Variants in MS4A6E observed in about 807,000 individuals in gnomAD.
MS4A6E encodes membrane spanning 4-domains A6E, also known as membrane-spanning 4-domains subfamily A member 6E.
In MS4A6E, 8 loss-of-function variants were observed where a neutral mutation model predicts 13.2. The observed-to-expected ratio is 0.60, with a 90% CI of 0.35 to 1.09. The LOEUF is 1.09. Among genes scored for constraint, MS4A6E ranks in the 50% least tolerant of loss-of-function variants. The pLI is 0.02. For missense variants in MS4A6E, 177 were observed against 171.1 expected (o/e 1.03, Z -0.19); for synonymous variants, 72 against 67.6 (o/e 1.06, Z -0.32).
At chr11:60,342,346 T>C (rs745486112), downstream of MS4A6E, among the ~76,000 whole-genome samples, 3 of 152,160 alleles carry the variant, frequency 2.0e-5, no homozygotes, top group Non-Finnish European at 4.4e-5. Context: ...CAGAGGTTCA[T>C]TGTCTCATGC....
At chr11:60,329,607 C>T (rs2085141292) in intron 1 of MS4A6E, among the ~76,000 whole-genome samples, 1 of 152,102 alleles carries the variant, frequency 6.6e-6, no homozygotes, top group Non-Finnish European at 1.5e-5. Flanking sequence ...ACACTCCCAC[C>T]AACAGTGTAA....
chr11:60,341,544 C>T (rs182029065), downstream of MS4A6E, among the ~76,000 whole-genome samples: 7 of 152,130 alleles, frequency 4.6e-5, no homozygotes, highest in East Asian at 1.9e-4. Context: ...ATAAAAAAGA[C>T]GAATTGTTTG....
At chr11:60,330,710 G>A (rs755423633) in intron 1 of MS4A6E, among the ~76,000 whole-genome samples, 8 of 152,118 alleles carry the variant, frequency 5.3e-5, no homozygotes, top group Non-Finnish European at 7.4e-5. Context: ...GTCCTGAATG[G>A]TATTGCCTAG....
Position 60,337,906 on chromosome 11 carries a change from C to A in MS4A6E, c.313C>A (p.Pro105Thr), listed in dbSNP as rs2085199409. The A allele has an allele frequency of 1.2e-6, 2 of 1,614,108 alleles. No homozygotes were observed. Among genetic ancestry groups the A allele is most frequent in the Non-Finnish European group, 1.7e-6 (2 of 1,180,054 alleles). ...TCTTCTTTCTTATGATTATCATTCA[C>A]CTTACACCATGGACTGCCATAGAGC... ...RLLLSYDYHS[P>T]YTMDCHRAKA... Residue 105 changes from proline (P) to threonine (T), a missense_variant, in exon 3 of 5, where the codon CCT (proline) becomes ACT (threonine). Coordinates refer to ENST00000684409, the MANE Select transcript of MS4A6E (RefSeq NM_139249.4).
chr11:60,327,618 G>A (rs762024458), intron 1 of MS4A6E, among the ~76,000 whole-genome samples: 19 of 152,164 alleles, frequency 1.2e-4, no homozygotes, highest in Non-Finnish European at 2.5e-4. Flanking sequence ...GAAGAGAGCT[G>A]TAGACAGAAC....
chr11:60,339,829 C>T (rs917291694), intron 3 of MS4A6E, 37 bp from the exon 4 acceptor site: 14 of 1,588,228 alleles, frequency 8.8e-6, no homozygotes, highest in Non-Finnish European at 1.0e-5. Context: ...CTTCGGCTGA[C>T]CCAAGCATCA....
downstream of MS4A6E, among the ~76,000 whole-genome samples, chr11:60,342,875 T>C (rs1035152970): frequency 2.0e-5 from 3 of 152,248 alleles, no homozygotes; most frequent in Non-Finnish European, 4.4e-5. Flanking sequence ...AAGAAAATCT[T>C]ACTGAGAACT....
rs141111443 is a variant in MS4A6E, at chr11:60,329,523, G to A, written c.-15+2115G>A. Among the ~76,000 whole-genome samples, 208 of 152,242 alleles carry A rather than the reference G, an allele frequency of 1.4e-3. 7 individuals carry two copies. In the East Asian group the frequency reaches 0.025, roughly 18 times the overall value. ...GTATATACCCAGTAATGGGATTGCT[G>A]GGTCAAATGGTATTTCAAGTTCTAG... is the stretch of plus-strand genomic sequence containing the variant. On this transcript the variant is annotated intron_variant, in intron 1 of 4. Coordinates refer to ENST00000684409, the MANE Select transcript of MS4A6E (RefSeq NM_139249.4).
downstream of MS4A6E, among the ~76,000 whole-genome samples, chr11:60,342,269 T>C (rs1242436192): frequency 6.6e-6 from 1 of 151,202 alleles, no homozygotes; most frequent in Non-Finnish European, 1.5e-5. Flanking sequence ...CCACTATTAA[T>C]CACATGGTGC....
downstream of MS4A6E, among the ~76,000 whole-genome samples, chr11:60,345,789 T>C (rs1186923681): frequency 1.3e-5 from 2 of 152,210 alleles, no homozygotes; most frequent in African/African-American, 2.4e-5. Flanking sequence ...TGGTGGCTTC[T>C]GGGACCAGTA....
intron 2 of MS4A6E, chr11:60,335,727 C>T (rs1452072183): frequency 5.3e-6 from 2 of 377,634 alleles, no homozygotes; most frequent in Admixed American, 6.6e-5. Context: ...ATATGGGTTT[C>T]TATGAGGCTC....
chr11:60,337,214 T>C (rs956732440), intron 2 of MS4A6E, among the ~76,000 whole-genome samples: 1 of 152,136 alleles, frequency 6.6e-6, no homozygotes, highest in East Asian at 1.9e-4. Flanking sequence ...AGAGAGGCAA[T>C]AGGCACGCAA....
At chr11:60,327,730 A>G (rs1046665255) in intron 1 of MS4A6E, among the ~76,000 whole-genome samples, 8 of 152,120 alleles carry the variant, frequency 5.3e-5, no homozygotes, top group Non-Finnish European at 1.2e-4. Context: ...ATGAGAAATA[A>G]TTAAAAACTG....
chr11:60,328,260 C>T (rs922321325), intron 1 of MS4A6E, among the ~76,000 whole-genome samples: 2 of 151,942 alleles, frequency 1.3e-5, no homozygotes, highest in Non-Finnish European at 2.9e-5. Flanking sequence ...AATGTATAAT[C>T]AAAAAGTAAG....
intron 1 of MS4A6E, among the ~76,000 whole-genome samples, chr11:60,329,400 G>A (rs1184690118): frequency 1.3e-5 from 2 of 152,206 alleles, no homozygotes; most frequent in Non-Finnish European, 1.5e-5. Context: ...TCATTGATGG[G>A]CATTTGGGTT....
intron 1 of MS4A6E, 145 bp from the exon 2 acceptor site, chr11:60,334,737 G>C (rs1438647557): frequency 7.3e-6 from 6 of 822,366 alleles, no homozygotes; most frequent in African/African-American, 6.9e-5. Context: ...AGGTTGTGTG[G>C]CTTTCACTGC....
intron 1 of MS4A6E, among the ~76,000 whole-genome samples, chr11:60,329,318 T>G (rs1004411879): frequency 2.0e-5 from 3 of 152,236 alleles, no homozygotes; most frequent in Admixed American, 1.3e-4. Flanking sequence ...GAAAAGGACA[T>G]GAACTCATTC....
intron 1 of MS4A6E, among the ~76,000 whole-genome samples, chr11:60,328,122 T>C (rs12226656): frequency 0.35 from 52,795 of 150,436 alleles, 9,830 homozygotes; most frequent in East Asian, 0.41. Flanking sequence ...TGTCCCAGGG[T>C]TTTGTGGAAG....
chr11:60,332,264 T>C (rs2085161258), intron 1 of MS4A6E, among the ~76,000 whole-genome samples: 1 of 152,238 alleles, frequency 6.6e-6, no homozygotes, highest in Non-Finnish European at 1.5e-5. Context: ...GTCTACTTTA[T>C]TACTCAAGTT....
Sources: allele counts gnomAD v4.1 joint callset (sites outside exome capture counted in the v4.1 genomes callset), GRCh38; gene constraint gnomAD v4.1.1; transcripts MANE v1.5; gene names NCBI Gene and HGNC (gene_info 2026-07-23, HGNC 2026-07-21).